Variants in STAG1 observed in about 807,000 individuals in gnomAD.
STAG1 encodes the protein STAG1 cohesin complex component.
In STAG1, 26 loss-of-function variants were observed where a neutral mutation model predicts 170.9. That is an observed-to-expected ratio of 0.15 (90% CI 0.11 to 0.21). The LOEUF is 0.21. Among genes scored for constraint, STAG1 ranks in the 10% least tolerant of loss-of-function variants. The probability of loss-of-function intolerance (pLI) is 1.00; values close to 1 mark genes in which losing one functional copy is unlikely to be tolerated. For missense variants in STAG1, 964 were observed against 1,509.5 expected, an observed-to-expected ratio of 0.64 and a Z score of 5.99; for synonymous variants, 514 against 497.7, an observed-to-expected ratio of 1.03 and a Z score of -0.44.
intron 20 of STAG1, among the ~76,000 whole-genome samples, chr3:136,420,142 G>A (rs1396141678): frequency 6.7e-6 from 1 of 150,066 alleles, no homozygotes; most frequent in African/African-American, 2.5e-5. Context: ...AGCTACTCGA[G>A]AGGCTAAGGC....
chr3:136,492,772 T>C (rs1036144468), intron 9 of STAG1, among the ~76,000 whole-genome samples: 3 of 152,174 alleles, frequency 2.0e-5, no homozygotes, highest in Non-Finnish European at 2.9e-5. Flanking sequence ...AAATGAAGAA[T>C]GTCAAAAATG....
chr3:136,722,597 T>C (rs1447365358), intron 1 of STAG1, among the ~76,000 whole-genome samples: 3 of 151,546 alleles, frequency 2.0e-5, no homozygotes, highest in South Asian at 4.2e-4. Flanking sequence ...TCAATTAAGA[T>C]TGGAGAGCAT....
intron 1 of STAG1, among the ~76,000 whole-genome samples, chr3:136,664,676 CTTT>C (rs904890587): frequency 6.7e-6 from 1 of 149,016 alleles, no homozygotes; most frequent in Admixed American, 6.7e-5. Flanking sequence ...AAAAGAGCAA[CTTT>C]TTTTTTTGCC....
intron 16 of STAG1, among the ~76,000 whole-genome samples, chr3:136,430,853 A>ACACG (rs2088282150): frequency 1.5e-5 from 2 of 136,854 alleles, no homozygotes; most frequent in African/African-American, 2.7e-5. Flanking sequence ...ACACACACAC[A>ACACG]GCCTTTTACC....
chr3:136,413,132 G>A (rs1356673879), intron 21 of STAG1, among the ~76,000 whole-genome samples: 1 of 150,288 alleles, frequency 6.7e-6, no homozygotes, highest in Non-Finnish European at 1.5e-5. Flanking sequence ...CCAAAGTGCT[G>A]GGATTGCAAG....
chr3:136,526,836 T>C (rs558372409), intron 6 of STAG1, among the ~76,000 whole-genome samples: 82 of 152,334 alleles, frequency 5.4e-4, no homozygotes, highest in African/African-American at 1.8e-3. Context: ...GGATTTTATT[T>C]CTCCTTCACT....
rs988780212 is a variant in STAG1 at position 136,744,315 on chromosome 3, G to A, written c.-84+7880C>T. Among the ~76,000 whole-genome samples the A allele has an allele frequency of 4.6e-5, 7 of 152,260 alleles. No individual in the cohort carries two copies. In the South Asian group the frequency reaches 8.3e-4, roughly 18 times the overall value. ...GCACTCCAGCCTGGGCAACAAGGGCGAAACTCCGTCTCCAAAATAAAAATA... is the reference window on the plus strand; with the variant it reads ...GCACTCCAGCCTGGGCAACAAGGGCAAAACTCCGTCTCCAAAATAAAAATA... On this transcript the variant is annotated intron_variant, in intron 1 of 33. Transcript: ENST00000383202.
At chr3:136,692,725 A>T (rs913834609) in intron 1 of STAG1, among the ~76,000 whole-genome samples, 1 of 152,202 alleles carries the variant, frequency 6.6e-6, no homozygotes. Context: ...TCAACCATGA[A>T]GTTTTTTTTA....
intron 1 of STAG1, among the ~76,000 whole-genome samples, chr3:136,695,085 A>G (rs957741405): frequency 6.6e-6 from 1 of 152,222 alleles, no homozygotes; most frequent in Non-Finnish European, 1.5e-5. Flanking sequence ...TGTCCAATTT[A>G]GACTGTTTTT....
intron 3 of STAG1, among the ~76,000 whole-genome samples, chr3:136,612,579 G>C (rs929634231): frequency 2.6e-5 from 4 of 152,214 alleles, no homozygotes; most frequent in African/African-American, 9.6e-5. Context: ...TGTAGCTCCA[G>C]CTATGCAGAA....
chr3:136,628,136 G>C (rs144587659), intron 2 of STAG1, among the ~76,000 whole-genome samples: 16 of 152,216 alleles, frequency 1.1e-4, no homozygotes, highest in Admixed American at 1.0e-3. Flanking sequence ...TTGTGATAGT[G>C]AGTTCTCACG....
intron 14 of STAG1, among the ~76,000 whole-genome samples, chr3:136,449,561 A>G (rs75940794): frequency 8.1e-5 from 12 of 148,000 alleles, no homozygotes; most frequent in Non-Finnish European, 1.2e-4. Flanking sequence ...CTCTGTCTCA[A>G]AAAAAAAAAA....
chr3:136,347,283 C>T (rs1553788839), intron 29 of STAG1, among the ~76,000 whole-genome samples: 1 of 149,242 alleles, frequency 6.7e-6, no homozygotes, highest in South Asian at 2.1e-4. Context: ...GTAATCCCAG[C>T]TACTTGGGAG....
At chr3:136,739,371 T>C (rs1304252910) in intron 1 of STAG1, among the ~76,000 whole-genome samples, 1 of 151,950 alleles carries the variant, frequency 6.6e-6, no homozygotes, top group Non-Finnish European at 1.5e-5. Context: ...CGTATTTTAA[T>C]TAGCTGGGCC....
At chr3:136,664,476 G>A (rs1384726134) in intron 1 of STAG1, among the ~76,000 whole-genome samples, 3 of 152,024 alleles carry the variant, frequency 2.0e-5, no homozygotes, top group African/African-American at 7.3e-5. Flanking sequence ...AGCAATTGGG[G>A]GTACCTAGAA....
At chr3:136,657,203 T>C (rs1228271627) in intron 1 of STAG1, among the ~76,000 whole-genome samples, 4 of 144,114 alleles carry the variant, frequency 2.8e-5, no homozygotes, top group African/African-American at 1.0e-4. Context: ...TTTTTTTTTT[T>C]TTTTTTTTTT....
intron 21 of STAG1, among the ~76,000 whole-genome samples, chr3:136,408,618 T>C (rs936779195): frequency 6.6e-6 from 1 of 152,090 alleles, no homozygotes. Flanking sequence ...GTAGAATTTA[T>C]AAAAAACAAT....
intron 22 of STAG1, among the ~76,000 whole-genome samples, chr3:136,383,318 G>A (rs547874056): frequency 6.6e-6 from 1 of 152,086 alleles, no homozygotes; most frequent in Admixed American, 6.5e-5. Flanking sequence ...TTTGGAATAG[G>A]GCAAATTATA....
intron 3 of STAG1, among the ~76,000 whole-genome samples, chr3:136,606,243 C>T (rs1421848187): frequency 6.6e-6 from 1 of 151,454 alleles, no homozygotes; most frequent in Non-Finnish European, 1.5e-5. Context: ...GGCTGGAGTG[C>T]AGTGACACAA....
Sources: gnomAD v4.1 joint callset for allele counts (sites outside exome capture counted in the v4.1 genomes callset) on GRCh38, gnomAD v4.1.1 for gene constraint, MANE v1.5 for transcripts, NCBI Gene and HGNC (gene_info 2026-07-23, HGNC 2026-07-21) for gene names.